Variants in HRH1 observed in about 807,000 individuals in gnomAD.
HRH1 encodes the protein histamine receptor H1, also known as histamine H1 receptor.
HRH1 carries 6 observed loss-of-function variants against 10.3 expected under a neutral mutation model. That is an observed-to-expected ratio of 0.58 (90% CI 0.32 to 1.15). HRH1 has a LOEUF of 1.15. Ranked by LOEUF, HRH1 falls within the 50% of genes most tolerant of loss-of-function variation. The probability of loss-of-function intolerance (pLI) is 0.05; values close to 1 mark genes in which losing one functional copy is unlikely to be tolerated. For synonymous variants in HRH1, 242 were observed against 236.7 expected (o/e 1.02, Z -0.21); for missense variants, 514 against 615.3 (o/e 0.84, Z 1.74).
In HRH1 at chr3:11,147,201, G is replaced by C. The variant is rs1006621827; in HGVS notation, c.-36+9802G>C. On this transcript the variant is annotated intron_variant, in intron 1 of 1. Transcript: ENST00000438284. ...TTCCTCTTCTTGAGACTCAAGGGCA[G>C]GGATAAGGTCTGATTCTTCCTGGAA... Among the ~76,000 whole-genome samples the C allele has an allele frequency of 8.5e-5, 13 of 152,186 alleles. 1 individual carries two copies. Among genetic ancestry groups the C allele is most frequent in the Admixed American group, 7.9e-4 (12 of 15,276 alleles).
In HRH1 at chr3:11,144,597, T is replaced by C. The variant is rs568498459; in HGVS notation, c.-36+7198T>C. Among the ~76,000 whole-genome samples, 88 of 151,444 alleles carry C rather than the reference T, an allele frequency of 5.8e-4. 1 individual carries two copies. The South Asian group carries it at 9.2e-3, about 16-fold the overall frequency. ...TTCAAGCTGGAACCAGAAGCCATTA[T>C]CATATGTCCTACAGCCCAGAGATGG... On this transcript the variant is annotated intron_variant, in intron 1 of 1. Transcript: ENST00000438284.
rs996760518 is a variant in HRH1 at position 11,263,201 on chromosome 3, A to T, written c.*2700A>T. The stretch of plus-strand genomic sequence containing the variant: ...GAAATGTCAGCCCCAGCCCACTAAG[A>T]AAGCCCCAGCCCATCAGTGGCTAAT... On this transcript the variant is annotated 3_prime_UTR_variant, in exon 2 of 2. Transcript: ENST00000431010. 1 of 167,106 alleles carries T rather than the reference A, an allele frequency of 6.0e-6. No individual in the cohort carries two copies. The highest frequency in any genetic ancestry group is 2.4e-5 in the African/African-American group (1 of 41,466). 10.4% of individuals were successfully genotyped at this position (167,106 alleles called of 1,614,324 possible). A position where few individuals can be genotyped will look rare whatever the true frequency, so the allele number is the denominator to read the frequency against.
intron 1 of HRH1, among the ~76,000 whole-genome samples, chr3:11,141,400 G>A (rs533837523): frequency 1.3e-5 from 2 of 152,290 alleles, no homozygotes; most frequent in African/African-American, 4.8e-5. Flanking sequence ...ATAATTTATT[G>A]TCTTTTATAA....
At chr3:11,252,430 G>A (rs1453464916) in intron 1 of HRH1, among the ~76,000 whole-genome samples, 2 of 152,154 alleles carry the variant, frequency 1.3e-5, no homozygotes, top group Non-Finnish European at 2.9e-5. Context: ...ACATATGCAC[G>A]AGGGCAGGGA....
At chr3:11,232,733 T>C (rs1939075086) in intron 1 of HRH1, among the ~76,000 whole-genome samples, 1 of 152,246 alleles carries the variant, frequency 6.6e-6, no homozygotes, top group Non-Finnish European at 1.5e-5. Context: ...AGAATTGACA[T>C]ATTTACTCTG....
chr3:11,248,763 G>A (rs891822905), intron 1 of HRH1, among the ~76,000 whole-genome samples: 11 of 152,218 alleles, frequency 7.2e-5, no homozygotes, highest in African/African-American at 2.7e-4. Flanking sequence ...GGGCTGACCC[G>A]CAGGGCTTTT....
rs201705171 is a variant in HRH1, at chr3:11,263,269, A to G, written c.*2768A>G. ...CATTTGGCTACTTGGCTTGTGGACA[A>G]TCTCTGACCTCTTTTGAAGATGGGC... is the stretch of plus-strand genomic sequence containing the variant. On this transcript the variant is annotated 3_prime_UTR_variant, in exon 2 of 2. Transcript: ENST00000431010. 30 of 167,226 alleles carry G rather than the reference A, an allele frequency of 1.8e-4. No homozygotes were observed. The highest frequency in any genetic ancestry group is 6.0e-4 in the African/African-American group (25 of 41,580). 10.4% of individuals were successfully genotyped at this position (167,226 alleles called of 1,614,324 possible).
upstream of HRH1, among the ~76,000 whole-genome samples, chr3:11,151,499 G>C (rs989931203): frequency 7.4e-6 from 1 of 134,988 alleles, no homozygotes; most frequent in South Asian, 2.3e-4. Flanking sequence ...TTCCTTTTTT[G>C]GGGGGGCGGT....
intron 1 of HRH1, among the ~76,000 whole-genome samples, chr3:11,232,686 G>T (rs1939073954): frequency 1.3e-5 from 2 of 152,250 alleles, no homozygotes; most frequent in South Asian, 4.1e-4. Flanking sequence ...CTGATATTTT[G>T]ATAAGAATTG....
chr3:11,218,807 C>T (rs35967306), intron 1 of HRH1, among the ~76,000 whole-genome samples: 2,582 of 152,268 alleles, frequency 0.017, 29 homozygotes, highest in Middle Eastern at 0.051. Context: ...AACTCCTGAC[C>T]TCAGGTGATC....
At chr3:11,239,535 CA>C (rs1295198862) in intron 1 of HRH1, among the ~76,000 whole-genome samples, 2 of 152,134 alleles carry the variant, frequency 1.3e-5, no homozygotes, top group African/African-American at 4.8e-5. Flanking sequence ...TCCAATTTAG[CA>C]GTTTTTAAAA....
At chr3:11,227,128 T>A (rs1938908905) in intron 1 of HRH1, among the ~76,000 whole-genome samples, 1 of 152,086 alleles carries the variant, frequency 6.6e-6, no homozygotes, top group Non-Finnish European at 1.5e-5. Context: ...TGAGAGACGA[T>A]GTTGTCAAAG....
chr3:11,140,223 A>G (rs1559248481), intron 1 of HRH1, among the ~76,000 whole-genome samples: 2 of 152,190 alleles, frequency 1.3e-5, no homozygotes, highest in Admixed American at 1.3e-4. Context: ...TCTGACAGAG[A>G]GAAGTAGTGA....
At chr3:11,208,247 G>C (rs1330972262) in intron 1 of HRH1, among the ~76,000 whole-genome samples, 3 of 151,252 alleles carry the variant, frequency 2.0e-5, no homozygotes, top group Non-Finnish European at 4.4e-5. Flanking sequence ...CTGCCTCCCA[G>C]GTTCAAGTGA....
In HRH1 at chr3:11,217,815, G is replaced by C. The variant is rs142121289; in HGVS notation, c.-35-41188G>C. On this transcript the variant is annotated intron_variant, in intron 1 of 1. Coordinates refer to ENST00000431010, the MANE Select transcript of HRH1 (RefSeq NM_001098212.2). The stretch of plus-strand genomic sequence containing the variant: ...ACAGCTGCTAAGATTATTAGAAAAT[G>C]AGACAAACAGACATTATATACCACC... 2.1e-3 allele frequency among the ~76,000 whole-genome samples: 318 copies of C among 152,272 alleles called. 3 individuals carry two copies. Among genetic ancestry groups the C allele is most frequent in the African/African-American group, 7.2e-3 (298 of 41,552 alleles).
intron 1 of HRH1, among the ~76,000 whole-genome samples, chr3:11,168,916 C>A (rs1334552713): frequency 1.3e-5 from 2 of 152,186 alleles, no homozygotes; most frequent in African/African-American, 2.4e-5. Context: ...TTTTCTCCAA[C>A]TTATTTAAAT....
intron 1 of HRH1, among the ~76,000 whole-genome samples, chr3:11,252,440 A>G (rs1363260682): frequency 6.6e-6 from 1 of 152,230 alleles, no homozygotes. Context: ...GAGGGCAGGG[A>G]AAATTTCTCT....
At chr3:11,233,932 A>G (rs2125045155) in intron 1 of HRH1, among the ~76,000 whole-genome samples, 1 of 152,340 alleles carries the variant, frequency 6.6e-6, no homozygotes, top group South Asian at 2.1e-4. Flanking sequence ...CTCACTCACA[A>G]GAAACCTTCC....
chr3:11,163,709 A>G (rs1574982479), intron 1 of HRH1, among the ~76,000 whole-genome samples: 2 of 152,212 alleles, frequency 1.3e-5, no homozygotes, highest in East Asian at 3.8e-4. Context: ...GCATATAAGT[A>G]CATGTGAACA....
Sources: gnomAD v4.1 joint callset for allele counts (sites outside exome capture counted in the v4.1 genomes callset) on GRCh38, gnomAD v4.1.1 for gene constraint, MANE v1.5 for transcripts, NCBI Gene and HGNC (gene_info 2026-07-23, HGNC 2026-07-21) for gene names.